PCDHA8: variants seen among roughly 807,000 people sequenced by gnomAD.
PCDHA8 encodes the protein protocadherin alpha 8, also known as protocadherin alpha-8.
A neutral mutation model predicts 61.8 loss-of-function variants in PCDHA8; 53 were observed. The ratio of observed to expected loss-of-function variants is 0.86; its 90% CI spans 0.69 to 1.08. PCDHA8 has a LOEUF of 1.08. Ranked by LOEUF, PCDHA8 falls within the 50% of genes least tolerant of loss-of-function variation. PCDHA8 has a pLI of 0.00. For missense variants in PCDHA8, 1,293 were observed against 1,245.0 expected (o/e 1.04, Z -0.58); for synonymous variants, 618 against 556.6 (o/e 1.11, Z -1.55).
chr5:140,841,669 T>A lies in PCDHA8; in HGVS notation c.348T>A (p.Val116=). The A allele has an allele frequency of 6.2e-7, 1 of 1,614,020 alleles. No homozygotes were observed. Among genetic ancestry groups the A allele is most frequent in the East Asian group, 2.2e-5 (1 of 44,878 alleles). Residue 116 remains valine, a synonymous_variant, in exon 1 of 4, where the codon GTT becomes GTA. Transcript: ENST00000531613. The stretch of plus-strand genomic sequence containing the variant: ...TGATCGTGGACAGGCCGCTGCAGGT[T>A]TTCCATGTGGACGTGGAGGTGAAGG... ...LEVIVDRPLQ[V]FHVDVEVKDV... is the part of the protein sequence containing the mutation.
intron 1 of PCDHA8, among the ~76,000 whole-genome samples, chr5:140,936,014 T>C (rs1405282987): frequency 4.0e-5 from 6 of 151,334 alleles, no homozygotes; most frequent in Non-Finnish European, 8.8e-5. Flanking sequence ...CACCTCAGCC[T>C]CCCGAGTAGC....
intron 1 of PCDHA8, chr5:140,864,131 C>T (rs1191478097): frequency 2.0e-5 from 3 of 152,082 alleles, no homozygotes; most frequent in Non-Finnish European, 2.9e-5. Context: ...GACTGAGTGG[C>T]TGTTTCCTGT....
chr5:140,854,555 A>G (rs2043158080), intron 1 of PCDHA8: 1 of 150,006 alleles, frequency 6.7e-6, no homozygotes, highest in Non-Finnish European at 1.5e-5. Context: ...ATTCATAAAT[A>G]TTGTTGCTCT....
intron 1 of PCDHA8, chr5:140,877,329 C>T: frequency 6.2e-7 from 1 of 1,614,012 alleles, no homozygotes; most frequent in South Asian, 1.1e-5. Flanking sequence ...TCGGCGCGCA[C>T]ATCCCGTTCC....
At chr5:140,876,166 G>A (rs1554168317) in intron 1 of PCDHA8, 4 of 1,613,964 alleles carry the variant, frequency 2.5e-6, no homozygotes, top group Middle Eastern at 3.3e-4. Flanking sequence ...TCAAATAACC[G>A]TCCTGGATGT....
At chr5:140,877,614 G>A (rs2153354451) in intron 1 of PCDHA8, 3 of 1,613,850 alleles carry the variant, frequency 1.9e-6, no homozygotes, top group Middle Eastern at 3.3e-4. Context: ...TGGTGCTCAC[G>A]CTGCTGCTGT....
At chr5:140,851,027 C>A in intron 1 of PCDHA8, 2 of 1,410,188 alleles carry the variant, frequency 1.4e-6, no homozygotes, top group Non-Finnish European at 1.9e-6. Flanking sequence ...TAAAGTAAAC[C>A]CCTTAACATT....
intron 1 of PCDHA8, among the ~76,000 whole-genome samples, chr5:140,964,964 C>T (rs1035701368): frequency 2.6e-5 from 4 of 152,212 alleles, no homozygotes; most frequent in Non-Finnish European, 4.4e-5. Flanking sequence ...GTTGGTGGAA[C>T]GAAGGGATGT....
At chr5:140,926,863 G>T (rs2083606655) in intron 1 of PCDHA8, 6 of 1,523,054 alleles carry the variant, frequency 3.9e-6, no homozygotes, top group Non-Finnish European at 5.3e-6. Flanking sequence ...GGTGTAGCGT[G>T]TTGGTGGAAC....
Position 140,849,797 on chromosome 5 carries a change from A to G in PCDHA8, c.2394+6082A>G, listed in dbSNP as rs2150450643. On this transcript the variant is annotated intron_variant, in intron 1 of 3. Coordinates refer to ENST00000531613, the MANE Select transcript of PCDHA8 (RefSeq NM_018911.3). ...CCGCGCGGGACGGGGGCTCGCCTTC[A>G]CTGTGGGCCACGGCCAGGGTGTCTG... 700 of 1,597,928 alleles carry G rather than the reference A, an allele frequency of 4.4e-4. 59 individuals carry two copies. Among genetic ancestry groups the G allele is most frequent in the Non-Finnish European group, 5.7e-4 (663 of 1,167,700 alleles).
chr5:140,900,653 T>C (rs1163740859), intron 1 of PCDHA8, among the ~76,000 whole-genome samples: 1 of 152,220 alleles, frequency 6.6e-6, no homozygotes, highest in Non-Finnish European at 1.5e-5. Flanking sequence ...ACTGCTGCAA[T>C]GAACAATGGG....
intron 3 of PCDHA8, among the ~76,000 whole-genome samples, chr5:141,001,745 T>A (rs2098035193): frequency 6.6e-6 from 1 of 152,200 alleles, no homozygotes; most frequent in Non-Finnish European, 1.5e-5. Flanking sequence ...CTGGGCTGTT[T>A]CAGTGGTTGA....
At chr5:140,941,290 T>A (rs1403658442) in intron 1 of PCDHA8, among the ~76,000 whole-genome samples, 1 of 69,836 alleles carries the variant, frequency 1.4e-5, no homozygotes, top group Non-Finnish European at 3.3e-5. Flanking sequence ...TCCTTTCTCT[T>A]TCTTTCTTTC....
intron 2 of PCDHA8, 164 bp downstream of exon 2, chr5:140,979,171 C>T (rs1586797637): frequency 4.2e-6 from 4 of 960,866 alleles, no homozygotes; most frequent in South Asian, 4.8e-5. Context: ...CTTGAAAGAT[C>T]GCAAATGGTC....
chr5:140,849,842 C>G, intron 1 of PCDHA8: 1 of 1,598,534 alleles, frequency 6.3e-7, no homozygotes, highest in Non-Finnish European at 8.6e-7. Flanking sequence ...CCGACGTGAA[C>G]GACAACGCAC....
At chr5:141,007,498 G>T (rs936217793) in intron 3 of PCDHA8, among the ~76,000 whole-genome samples, 2 of 151,942 alleles carry the variant, frequency 1.3e-5, no homozygotes, top group Admixed American at 1.3e-4. Context: ...GACCTAGGAG[G>T]CAGAGACTGC....
intron 1 of PCDHA8, chr5:140,854,422 A>G (rs1322655400): frequency 1.3e-5 from 2 of 151,676 alleles, no homozygotes; most frequent in African/African-American, 4.9e-5. Flanking sequence ...AATCTCTAAA[A>G]TCAGAATTTG....
At chr5:140,846,140 T>C (rs1780219346) in intron 1 of PCDHA8, among the ~76,000 whole-genome samples, 1 of 149,740 alleles carries the variant, frequency 6.7e-6, no homozygotes, top group Non-Finnish European at 1.5e-5. Context: ...GTTTCCCATA[T>C]TTAAAAGTTG....
At chr5:140,870,657 G>T (rs782619046) in intron 1 of PCDHA8, 1 of 1,612,514 alleles carries the variant, frequency 6.2e-7, no homozygotes, top group Non-Finnish European at 8.5e-7. Context: ...AGGTGTACGC[G>T]CTGCAGCCGT....
Sources: allele counts gnomAD v4.1 joint callset (sites outside exome capture counted in the v4.1 genomes callset), GRCh38; gene constraint gnomAD v4.1.1; transcripts MANE v1.5; gene names NCBI Gene and HGNC (gene_info 2026-07-23, HGNC 2026-07-21).